PTGFRN: variants seen among roughly 807,000 people sequenced by gnomAD.
The protein encoded by PTGFRN is prostaglandin F2 receptor negative regulator.
In PTGFRN, 35 loss-of-function variants were observed where a neutral mutation model predicts 83.2. The ratio of observed to expected loss-of-function variants is 0.42; its 90% CI spans 0.32 to 0.56. The LOEUF (loss-of-function observed/expected upper bound fraction) is 0.56. Among genes scored for constraint, PTGFRN ranks in the 20% least tolerant of loss-of-function variants. The probability of loss-of-function intolerance (pLI) is 0.11; values close to 1 mark genes in which losing one functional copy is unlikely to be tolerated. For missense variants in PTGFRN, 1,051 were observed against 1,179.5 expected, an observed-to-expected ratio of 0.89 and a Z score of 1.60; for synonymous variants, 519 against 498.6, an observed-to-expected ratio of 1.04 and a Z score of -0.55.
chr1:116,933,784 G>A (rs933409782), intron 1 of PTGFRN, among the ~76,000 whole-genome samples: 5 of 151,998 alleles, frequency 3.3e-5, no homozygotes, highest in East Asian at 3.9e-4. Flanking sequence ...CATCATTTCC[G>A]TTGAAAGTTA....
chr1:116,911,910 C>T (rs931371346), intron 1 of PTGFRN, among the ~76,000 whole-genome samples: 1 of 152,202 alleles, frequency 6.6e-6, no homozygotes, highest in Non-Finnish European at 1.5e-5. Flanking sequence ...CTTTATGTGT[C>T]TGGGTCAAGC....
chr1:116,967,457 T>C, intron 6 of PTGFRN, 127 bp downstream of exon 6: 3 of 973,954 alleles, frequency 3.1e-6, no homozygotes, highest in Non-Finnish European at 4.5e-6. Flanking sequence ...TGTACCTGTT[T>C]AAAGTGTGTA....
chr1:116,959,561 T>C (rs535153511), intron 4 of PTGFRN, among the ~76,000 whole-genome samples: 1 of 152,346 alleles, frequency 6.6e-6, no homozygotes, highest in East Asian at 1.9e-4. Context: ...AAAACAATGT[T>C]AAATAAAACC....
At chr1:116,973,825 T>C (rs575800104) in intron 6 of PTGFRN, among the ~76,000 whole-genome samples, 41 of 152,248 alleles carry the variant, frequency 2.7e-4, no homozygotes, top group African/African-American at 9.9e-4. Context: ...ACCAAAAGCT[T>C]TCTTGCTTCA....
At chr1:116,981,836 G>A (rs1290593778) in intron 7 of PTGFRN, among the ~76,000 whole-genome samples, 2 of 152,220 alleles carry the variant, frequency 1.3e-5, no homozygotes, top group Non-Finnish European at 2.9e-5. Context: ...CCTGCAGGCT[G>A]TAATTTACTG....
At chr1:116,917,831 C>T (rs568608242) in intron 1 of PTGFRN, among the ~76,000 whole-genome samples, 25 of 152,248 alleles carry the variant, frequency 1.6e-4, no homozygotes, top group East Asian at 1.2e-3. Context: ...CTATGTTTCT[C>T]GGACTGGTCT....
chr1:116,943,413 C>G (rs1040131055), intron 2 of PTGFRN, among the ~76,000 whole-genome samples: 6 of 152,254 alleles, frequency 3.9e-5, no homozygotes, highest in South Asian at 4.2e-4. Flanking sequence ...GGGGAGAATT[C>G]CCCCACCCGC....
intron 1 of PTGFRN, among the ~76,000 whole-genome samples, chr1:116,924,879 T>C (rs6669728): frequency 6.6e-6 from 1 of 151,948 alleles, no homozygotes; most frequent in Non-Finnish European, 1.5e-5. Flanking sequence ...GCTGGGGGTG[T>C]GGTGATGAGC....
chr1:116,967,022 C>T lies in PTGFRN; in HGVS notation c.1751C>T (p.Ser584Phe). Residue 584 changes from serine to phenylalanine, a missense_variant, in exon 6 of 9, where the codon TCT (serine) becomes TTT (phenylalanine). Transcript: ENST00000393203. ...AAGAATATTAAGTCGCCACGCTACT[C>T]TGTTCTCATCATGGCTGAGAAGCCT... ...SSKNIKSPRY[S>F]VLIMAEKPVG... 1 of 1,614,212 alleles carries T rather than the reference C, an allele frequency of 6.2e-7. No individual in the cohort carries two copies. The highest frequency in any genetic ancestry group is 8.5e-7 in the Non-Finnish European group (1 of 1,180,044).
At chr1:116,957,141 C>T (rs1369095081) in intron 4 of PTGFRN, among the ~76,000 whole-genome samples, 3 of 148,490 alleles carry the variant, frequency 2.0e-5, no homozygotes, top group East Asian at 2.0e-4. Context: ...CTCTCTCTCT[C>T]GCTGGCTCGC....
In PTGFRN at chr1:116,924,387, T is replaced by TA. The variant is rs370384934; in HGVS notation, c.49+14136dup. Reference sequence around the variant, plus strand: ...GTCTTGAACTCCTGACCTCGTGATCTACCTGCCTCAGCCTCCCAAAGGGCT... The same window carrying TA: ...GTCTTGAACTCCTGACCTCGTGATCTAACCTGCCTCAGCCTCCCAAAGGGCT... On this transcript the variant is annotated intron_variant, in intron 1 of 8. Coordinates refer to ENST00000393203, the MANE Select transcript of PTGFRN (RefSeq NM_020440.4). 6.0e-3 allele frequency among the ~76,000 whole-genome samples: 918 copies of TA among 152,238 alleles called. 10 individuals carry two copies. The highest frequency in any genetic ancestry group is 0.021 in the African/African-American group (865 of 41,544).
chr1:116,986,962 G>T lies in PTGFRN; in HGVS notation c.2635G>T (p.Asp879Tyr), dbSNP rs557224284. 2 of 1,614,206 alleles carry T rather than the reference G, an allele frequency of 1.2e-6. No individual in the cohort carries two copies. The highest frequency in any genetic ancestry group is 4.5e-5 in the East Asian group (2 of 44,888). The part of the protein sequence containing the change: ...ERRRLMSMEM[D>Y] ...CCGCAGGCTCATGTCGATGGAGATG[G>T]ACTAGGCTGGCCCGGGAGGGGAGTG... The change falls in exon 9 of 9, where the codon GAC (aspartate) becomes TAC (tyrosine). Residue 879 changes from aspartate (D) to tyrosine (Y), a missense_variant. This residue lies in a region of PTGFRN where 719 missense variants were observed against 836.6 expected (regional missense o/e 0.86). Transcript: ENST00000393203.
At chr1:116,947,889 T>TA (rs1650241615) in intron 3 of PTGFRN, among the ~76,000 whole-genome samples, 1 of 152,222 alleles carries the variant, frequency 6.6e-6, no homozygotes, top group Non-Finnish European at 1.5e-5. Context: ...AAGGAGAAAT[T>TA]GAACTTTTAA....
intron 1 of PTGFRN, among the ~76,000 whole-genome samples, chr1:116,931,627 C>T (rs906306331): frequency 2.6e-5 from 4 of 151,716 alleles, no homozygotes; most frequent in African/African-American, 9.7e-5. Context: ...GTTTAATGTG[C>T]CTTGCTGCAT....
intron 7 of PTGFRN, among the ~76,000 whole-genome samples, chr1:116,977,866 A>G (rs1463560940): frequency 2.0e-5 from 3 of 152,260 alleles, no homozygotes; most frequent in Non-Finnish European, 4.4e-5. Flanking sequence ...AGAAATAACT[A>G]AGATCAGAGC....
At chr1:116,973,461 G>A (rs370837524) in intron 6 of PTGFRN, among the ~76,000 whole-genome samples, 13 of 151,742 alleles carry the variant, frequency 8.6e-5, no homozygotes, top group East Asian at 7.7e-4. Flanking sequence ...AAAAATTTGC[G>A]GGGCGTAGTG....
Position 116,949,389 on chromosome 1 carries a change from C to A in PTGFRN, c.1030C>A (p.Pro344Thr). The A allele has an allele frequency of 6.2e-7, 1 of 1,614,258 alleles. No individual in the cohort carries two copies. The highest frequency in any genetic ancestry group is 8.5e-7 in the Non-Finnish European group (1 of 1,180,048). Residue 344 changes from proline to threonine, a missense_variant, in exon 4 of 9, where the codon CCT becomes ACT. Physicochemically the swap from Pro to Thr is conservative, Grantham distance 38. Coordinates refer to ENST00000393203, the MANE Select transcript of PTGFRN (RefSeq NM_020440.4). ...LDRDSLVHSSPHVALSHVDAR... is the reference protein window; with the variant it reads ...LDRDSLVHSSTHVALSHVDAR... ...CCGTGATTCCCTGGTGCACAGCTCG[C>A]CTCATGTTGCTTTGAGTCATGTGGA...
chr1:116,917,287 A>G (rs1649428704), intron 1 of PTGFRN, among the ~76,000 whole-genome samples: 1 of 149,904 alleles, frequency 6.7e-6, no homozygotes, highest in Admixed American at 6.6e-5. Flanking sequence ...GGCTCAGGGC[A>G]CGGCAGAACC....
At chr1:116,966,343 G>A (rs1437595585) in intron 5 of PTGFRN, among the ~76,000 whole-genome samples, 1 of 152,196 alleles carries the variant, frequency 6.6e-6, no homozygotes, top group Non-Finnish European at 1.5e-5. Context: ...AAATACATAC[G>A]CTACAGTCAT....
Sources: gnomAD v4.1 joint callset for allele counts (sites outside exome capture counted in the v4.1 genomes callset) on GRCh38, gnomAD v4.1.1 for gene constraint, gnomAD v4.1.1 regional missense constraint, MANE v1.5 for transcripts, NCBI Gene and HGNC (gene_info 2026-07-23, HGNC 2026-07-21) for gene names.